PRKAR2A: variants seen among roughly 807,000 people sequenced by gnomAD.
PRKAR2A encodes the protein cAMP-dependent protein kinase type II-alpha regulatory subunit.
PRKAR2A carries 29 observed loss-of-function variants against 51.9 expected under a neutral mutation model. The observed-to-expected ratio is 0.56, with a 90% CI of 0.42 to 0.76. The LOEUF is 0.76. Ranked by LOEUF, PRKAR2A falls within the 30% of genes least tolerant of loss-of-function variation. The pLI, the probability that PRKAR2A is intolerant of heterozygous loss-of-function variation, is 0.00. For missense variants in PRKAR2A, 445 were observed against 512.1 expected, an observed-to-expected ratio of 0.87 and a Z score of 1.26; for synonymous variants, 178 against 186.2, an observed-to-expected ratio of 0.96 and a Z score of 0.36.
chr3:48,747,388 G>A lies in PRKAR2A; in HGVS notation c.*4197C>T, dbSNP rs1210663776. 1 of 152,256 alleles carries A rather than the reference G, an allele frequency of 6.6e-6. No homozygotes were observed. Among genetic ancestry groups the A allele is most frequent in the Admixed American group, 6.5e-5 (1 of 15,288 alleles). 9.4% of individuals were successfully genotyped at this position (152,256 alleles called of 1,614,324 possible). A position where few individuals can be genotyped will look rare whatever the true frequency, so the allele number is the denominator to read the frequency against. On this transcript the variant is annotated 3_prime_UTR_variant, in exon 11 of 11. Transcript: ENST00000265563. ...TGTACACTGTGACATGACATGAAATGCTGTGTGCCCAGGGTGCTGCTGGGT... is the reference window on the plus strand; with the variant it reads ...TGTACACTGTGACATGACATGAAATACTGTGTGCCCAGGGTGCTGCTGGGT...
In PRKAR2A at chr3:48,751,595, A is replaced by C. The variant is rs1013537238; in HGVS notation, c.1205T>G (p.Leu402Arg). 5 of 1,612,248 alleles carry C rather than the reference A, an allele frequency of 3.1e-6. No homozygotes were observed. The highest frequency in any genetic ancestry group is 4.2e-6 in the Non-Finnish European group (5 of 1,179,072). ...MFGSSVDLGN[L>R]GQ Reference sequence around the variant, plus strand: ...TGGGGTGTGGCACACCTACTGCCCGAGGTTGCCCAGATCCACGCTGGAGCC... The same window carrying C: ...TGGGGTGTGGCACACCTACTGCCCGCGGTTGCCCAGATCCACGCTGGAGCC... Residue 402 changes from leucine (L) to arginine (R), a missense_variant, in exon 11 of 11, where the codon CTC becomes CGC. Coordinates refer to ENST00000265563, the MANE Select transcript of PRKAR2A (RefSeq NM_004157.4).
intron 9 of PRKAR2A, among the ~76,000 whole-genome samples, chr3:48,754,651 A>G (rs1331677859): frequency 2.6e-5 from 4 of 151,700 alleles, no homozygotes; most frequent in East Asian, 2.0e-4. Context: ...GTGGGAGCCT[A>G]TAGTCCCAGC....
intron 2 of PRKAR2A, among the ~76,000 whole-genome samples, chr3:48,794,919 G>T (rs954220913): frequency 6.6e-6 from 1 of 152,022 alleles, no homozygotes; most frequent in Non-Finnish European, 1.5e-5. Flanking sequence ...TTATTTTCTA[G>T]TGTATAGAAA....
rs200959444 is a variant in PRKAR2A at position 48,751,558 on chromosome 3, C to T, written c.*27G>A. The T allele has an allele frequency of 5.7e-5, 92 of 1,605,552 alleles. 1 individual carries two copies. The East Asian group carries it at 1.1e-3, about 20-fold the overall frequency. On this transcript the variant is annotated 3_prime_UTR_variant, in exon 11 of 11. Coordinates refer to ENST00000265563, the MANE Select transcript of PRKAR2A (RefSeq NM_004157.4). ...CTGACCAGAAGGTTTTGGTGTCACA[C>T]TAAGAAGGCTCTGGGGTGTGGCACA...
At chr3:48,803,490 G>C (rs1021151752) in intron 2 of PRKAR2A, among the ~76,000 whole-genome samples, 8 of 152,136 alleles carry the variant, frequency 5.3e-5, no homozygotes, top group African/African-American at 7.2e-5. Flanking sequence ...AATGGCGAAA[G>C]CTCAGCTCAC....
chr3:48,780,862 T>C (rs1415557214), intron 5 of PRKAR2A, among the ~76,000 whole-genome samples: 2 of 152,338 alleles, frequency 1.3e-5, no homozygotes, highest in East Asian at 3.9e-4. Flanking sequence ...TGTTAATTTG[T>C]GTTTTTTATA....
chr3:48,828,638 C>T (rs994294464), intron 1 of PRKAR2A, among the ~76,000 whole-genome samples: 4 of 136,666 alleles, frequency 2.9e-5, no homozygotes, highest in Non-Finnish European at 6.0e-5. Flanking sequence ...GAGGATCTTG[C>T]TTAAACCCAA....
chr3:48,774,006 T>C (rs2082069158), intron 5 of PRKAR2A, among the ~76,000 whole-genome samples: 1 of 151,870 alleles, frequency 6.6e-6, no homozygotes, highest in African/African-American at 2.4e-5. Flanking sequence ...GGCTAATATT[T>C]TATTTTTGTA....
At chr3:48,804,505 G>A (rs536698443) in intron 2 of PRKAR2A, among the ~76,000 whole-genome samples, 52 of 152,182 alleles carry the variant, frequency 3.4e-4, no homozygotes, top group Non-Finnish European at 6.0e-4. Context: ...CAAATTGAGG[G>A]TATGTGCCAG....
chr3:48,824,565 GA>G (rs1192294677), intron 1 of PRKAR2A, among the ~76,000 whole-genome samples: 1 of 138,092 alleles, frequency 7.2e-6, no homozygotes. Flanking sequence ...AAGAAAGAAA[GA>G]AAGAAAGAAA....
intron 1 of PRKAR2A, among the ~76,000 whole-genome samples, chr3:48,843,556 G>A (rs1487302908): frequency 1.3e-5 from 2 of 152,124 alleles, no homozygotes; most frequent in Non-Finnish European, 2.9e-5. Flanking sequence ...GAACAAAGCT[G>A]GAGGCATCAT....
chr3:48,841,508 C>T (rs935163756), intron 1 of PRKAR2A, among the ~76,000 whole-genome samples: 2 of 126,850 alleles, frequency 1.6e-5, no homozygotes, highest in Middle Eastern at 5.9e-3. Flanking sequence ...CCCGCCACTA[C>T]ACTCCAGCCT....
intron 1 of PRKAR2A, among the ~76,000 whole-genome samples, chr3:48,812,298 G>A (rs569833710): frequency 9.9e-5 from 15 of 152,152 alleles, no homozygotes; most frequent in African/African-American, 3.6e-4. Context: ...ATTGAGATTA[G>A]GGAGGGAGCA....
At chr3:48,835,092 C>G (rs2083259137) in intron 1 of PRKAR2A, among the ~76,000 whole-genome samples, 1 of 151,950 alleles carries the variant, frequency 6.6e-6, no homozygotes, top group South Asian at 2.1e-4. Context: ...CCACCTCAGC[C>G]TCCAGAGTTG....
At chr3:48,762,251 T>C (rs2081875004) in intron 8 of PRKAR2A, among the ~76,000 whole-genome samples, 1 of 152,134 alleles carries the variant, frequency 6.6e-6, no homozygotes, top group South Asian at 2.1e-4. Flanking sequence ...AGACCCTGAC[T>C]GTAATTTTTT....
intron 6 of PRKAR2A, among the ~76,000 whole-genome samples, chr3:48,771,927 C>G (rs1194981867): frequency 2.0e-5 from 3 of 151,582 alleles, no homozygotes; most frequent in Admixed American, 2.0e-4. Flanking sequence ...TTTAGCTGTT[C>G]GTTCTTTTGT....
At chr3:48,819,928 ACAGATGTGAAGTCCTTGTGGGACTTCACT>A (rs1335833597) in intron 1 of PRKAR2A, among the ~76,000 whole-genome samples, 3 of 152,120 alleles carry the variant, frequency 2.0e-5, no homozygotes, top group Non-Finnish European at 4.4e-5. Flanking sequence ...GTGGCCTCTC[ACAGATGTGAAGTCCTTGTGGGACTTCACT>A]CCCAACTCTG....
intron 1 of PRKAR2A, among the ~76,000 whole-genome samples, chr3:48,820,078 C>T (rs1403352840): frequency 1.3e-5 from 2 of 152,184 alleles, no homozygotes; most frequent in African/African-American, 4.8e-5. Context: ...TTCATGGTAA[C>T]TTATTCCAAA....
chr3:48,835,061 T>A (rs2083258807), intron 1 of PRKAR2A, among the ~76,000 whole-genome samples: 1 of 149,344 alleles, frequency 6.7e-6, no homozygotes, highest in South Asian at 2.1e-4. Context: ...AATTTCCGCC[T>A]CCCGGGTTCA....
Sources: gnomAD v4.1 joint callset for allele counts (sites outside exome capture counted in the v4.1 genomes callset) on GRCh38, gnomAD v4.1.1 for gene constraint, MANE v1.5 for transcripts, NCBI Gene and HGNC (gene_info 2026-07-23, HGNC 2026-07-21) for gene names.